PAOX: variants seen among roughly 807,000 people sequenced by gnomAD.
PAOX encodes the protein polyamine oxidase, also known as peroxisomal N(1)-acetyl-spermine/spermidine oxidase.
In PAOX, 38 loss-of-function variants were observed where a neutral mutation model predicts 39.0. The observed-to-expected ratio is 0.97, with a 90% confidence interval of 0.75 to 1.28. The LOEUF (loss-of-function observed/expected upper bound fraction) is 1.28, where lower values mean the gene tolerates loss of function less well. PAOX is among the 50% of genes most tolerant of loss of function. The pLI, the probability that PAOX is intolerant of heterozygous loss-of-function variation, is 0.00. For missense variants in PAOX, 667 were observed against 685.7 expected (o/e 0.97, Z 0.30); for synonymous variants, 311 against 314.4 (o/e 0.99, Z 0.11).
At chr10:133,385,559 C>A (rs1457124442) in intron 4 of PAOX, among the ~76,000 whole-genome samples, 1 of 152,152 alleles carries the variant, frequency 6.6e-6, no homozygotes, top group Non-Finnish European at 1.5e-5. Flanking sequence ...TGAGTCACAT[C>A]TGTAAATTTA....
In PAOX at chr10:133,380,247, TTC is replaced by T; in HGVS notation, c.431_432del (p.Phe144SerfsTer30). On this transcript the variant is annotated frameshift_variant, in exon 2 of 7. Transcript: ENST00000278060. LOFTEE classifies it high-confidence loss of function. ...CGGCCTGATAGACCAGACCCGGGAG[TTC>T]CTGCACGCTGCAGAGACCCCGGTGC... ...FYGLIDQTRE[F>X]LHAAETPVPS... 1 of 1,612,462 alleles carries T rather than the reference TTC, an allele frequency of 6.2e-7. No individual in the cohort carries two copies. Among genetic ancestry groups the T allele is most frequent in the East Asian group, 2.2e-5 (1 of 44,870 alleles).
intron 6 of PAOX, 30 bp downstream of exon 6, chr10:133,389,777 GGGTCCCGCTGCAGAGGCC>G: frequency 7.0e-7 from 1 of 1,437,546 alleles, no homozygotes; most frequent in Non-Finnish European, 9.1e-7. Context: ...CGGGGGGCGT[GGGTCCCGCTGCAGAGGCC>G]CCCGCCGAGT....
intron 4 of PAOX, among the ~76,000 whole-genome samples, chr10:133,385,740 C>A (rs186530072): frequency 0.013 from 2,026 of 152,116 alleles, 18 homozygotes; most frequent in Non-Finnish European, 0.023. Flanking sequence ...CCCACCACCA[C>A]GCCCGGCTAA....
intron 3 of PAOX, among the ~76,000 whole-genome samples, chr10:133,382,313 AT>A (rs66733067): frequency 0.051 from 7,673 of 151,600 alleles, 309 homozygotes; most frequent in African/African-American, 0.11. Context: ...AAAGCTAGCG[AT>A]TGCCAGCACT....
rs1849548515 is a variant in PAOX, at chr10:133,387,033, CTT to C, written c.1122-1921_1122-1920del. On this transcript the variant is annotated intron_variant, in intron 4 of 6. Coordinates refer to ENST00000278060, the MANE Select transcript of PAOX (RefSeq NM_152911.4). ...GTGGCTCATGCCGGTAATTCCAGCACTTTGGGAGGCCAAGGTGTGCAGATGGC... is the reference window on the plus strand; with the variant it reads ...GTGGCTCATGCCGGTAATTCCAGCACTGGGAGGCCAAGGTGTGCAGATGGC... Among the ~76,000 whole-genome samples, 3 of 152,312 alleles carry C rather than the reference CTT, an allele frequency of 2.0e-5. No homozygotes were observed. In the South Asian group the frequency reaches 6.2e-4, roughly 32 times the overall value.
rs562411156 is a variant in PAOX, at chr10:133,379,923, C to T, written c.182-76C>T. ...TCCTCCTTGGGAAGGCCAGCGTGGG[C>T]GTGGCCCAGGAGAAGGGCTCGGGGT... On this transcript the variant is annotated intron_variant, in intron 1 of 6. Transcript: ENST00000278060. The T allele has an allele frequency of 1.3e-5, 20 of 1,488,350 alleles. No individual in the cohort carries two copies. The South Asian group carries it at 2.7e-4, about 20-fold the overall frequency. 92.2% of individuals were successfully genotyped at this position (1,488,350 alleles called of 1,614,324 possible). A position where few individuals can be genotyped will look rare whatever the true frequency, so the allele number is the denominator to read the frequency against.
chr10:133,380,328 A>C lies in PAOX; in HGVS notation c.511A>C (p.Thr171Pro). Residue 171 changes from threonine (T) to proline (P), a missense_variant, in exon 2 of 7, where the codon ACA (threonine) becomes CCA (proline). Coordinates refer to ENST00000278060, the MANE Select transcript of PAOX (RefSeq NM_152911.4). ...KEIGQHVAGW[T>P]EDEETRKLKL... The stretch of plus-strand genomic sequence containing the variant: ...GATTGGCCAGCACGTGGCCGGCTGG[A>C]CAGAGGATGAGGAGACCAGGAAGCT... The C allele has an allele frequency of 1.2e-6, 2 of 1,612,882 alleles. No homozygotes were observed. The highest frequency in any genetic ancestry group is 2.2e-5 in the South Asian group (2 of 91,088).
Position 133,383,993 on chromosome 10 carries a change from A to G in PAOX, c.902A>G (p.Asp301Gly). Residue 301 changes from aspartate (D) to glycine (G), a missense_variant, in exon 4 of 7, where the codon GAC becomes GGC. Coordinates refer to ENST00000278060, the MANE Select transcript of PAOX (RefSeq NM_152911.4). ...AGGGAACATTTGGACACCTTCTTTG[A>G]CCCTCCCCTGCCGGCTGAGAAGGCA... ...FLREHLDTFF[D>G]PPLPAEKAEA... 1 of 1,614,094 alleles carries G rather than the reference A, an allele frequency of 6.2e-7. No individual in the cohort carries two copies. Among genetic ancestry groups the G allele is most frequent in the African/African-American group, 1.3e-5 (1 of 75,028 alleles).
intron 4 of PAOX, among the ~76,000 whole-genome samples, chr10:133,385,035 T>A (rs1399631987): frequency 6.6e-6 from 1 of 152,110 alleles, no homozygotes; most frequent in Non-Finnish European, 1.5e-5. Context: ...GTGGCTCATG[T>A]CTGTAATCCC....
intron 6 of PAOX, 117 bp downstream of exon 6, chr10:133,389,864 C>T: frequency 1.7e-6 from 2 of 1,156,484 alleles, no homozygotes; most frequent in South Asian, 4.3e-5. Flanking sequence ...GACTCGGAAG[C>T]CATTTTCTTT....
At position 133,379,468 on chromosome 10, in the gene PAOX, G is replaced by T. The variant is rs1589889046; in HGVS notation, c.152G>T (p.Gly51Val). The T allele has an allele frequency of 2.4e-6, 3 of 1,225,594 alleles. No individual in the cohort carries two copies. Among genetic ancestry groups the T allele is most frequent in the East Asian group, 6.4e-5 (2 of 31,158 alleles). The allele number at this position is 1,225,594 out of a possible 1,614,324, so 75.9% of individuals were successfully genotyped here. ...GTCCTGGAGGCCACGGCCCGCGCCG[G>T]GGGCCGCATCCGCTCGGAGCGCTGC... is the stretch of plus-strand genomic sequence containing the variant. ...LRVLEATARA[G>V]GRIRSERCFG... The change falls in exon 1 of 7, where the codon GGG becomes GTG. Residue 51 changes from glycine (G) to valine (V), a missense_variant. Physicochemically the swap from Gly to Val is moderately radical, Grantham distance 109. Transcript: ENST00000278060.
At chr10:133,390,413 CA>C (rs1849644689) in intron 6 of PAOX, among the ~76,000 whole-genome samples, 1 of 2,862 alleles carries the variant, frequency 3.5e-4, no homozygotes, top group Non-Finnish European at 9.3e-4. Context: ...TCGGTCTCCA[CA>C]CACACACACA....
At position 133,383,986 on chromosome 10, in the gene PAOX, T is replaced by G. The variant is rs1849465776; in HGVS notation, c.895T>G (p.Phe299Val). Residue 299 changes from phenylalanine (F) to valine (V), a missense_variant, in exon 4 of 7, where the codon TTC becomes GTC. Transcript: ENST00000278060. ...TTTTCTTAGGGAACATTTGGACACC[T>G]TCTTTGACCCTCCCCTGCCGGCTGA... is the stretch of plus-strand genomic sequence containing the variant. ...LGFLREHLDT[F>V]FDPPLPAEKA... 6.2e-7 allele frequency: 1 copy of G among 1,614,058 alleles called. No individual in the cohort carries two copies. The highest frequency in any genetic ancestry group is 8.5e-7 in the Non-Finnish European group (1 of 1,180,008).
At chr10:133,385,774 A>G (rs977561503) in intron 4 of PAOX, among the ~76,000 whole-genome samples, 11 of 151,982 alleles carry the variant, frequency 7.2e-5, no homozygotes, top group Admixed American at 2.6e-4. Flanking sequence ...TAGTAGAGAC[A>G]GGGTTTCACC....
In PAOX at chr10:133,384,263, A is replaced by G; in HGVS notation, c.1121+51A>G. Reference sequence around the variant, plus strand: ...GCGAGTGGCTGGCTCATAGGCCTTCATCTGATGGAGGACGCAGCAGTGTGT... The same window carrying G: ...GCGAGTGGCTGGCTCATAGGCCTTCGTCTGATGGAGGACGCAGCAGTGTGT... On this transcript the variant is annotated intron_variant, in intron 4 of 6. Coordinates refer to ENST00000278060, the MANE Select transcript of PAOX (RefSeq NM_152911.4). This position sits in a 1 kb window ranked among gnomAD's most constrained non-coding sequence, Gnocchi z 4.3. 1 of 1,596,686 alleles carries G rather than the reference A, an allele frequency of 6.3e-7. No individual in the cohort carries two copies. The highest frequency in any genetic ancestry group is 8.5e-7 in the Non-Finnish European group (1 of 1,170,056).
chr10:133,380,078 C>T lies in PAOX; in HGVS notation c.261C>T (p.Tyr87=), dbSNP rs1564809397. ...GNPVFQLAAE[Y]GLLGEKELSQ... ...CCGTCTTCCAGCTGGCTGCTGAGTA[C>T]GGGCTGCTGGGGGAGAAGGAGCTGT... is the stretch of plus-strand genomic sequence containing the variant. Residue 87 remains tyrosine (Y), a synonymous_variant, in exon 2 of 7, where the codon TAC becomes TAT. Transcript: ENST00000278060. 4 of 1,546,366 alleles carry T rather than the reference C, an allele frequency of 2.6e-6. No individual in the cohort carries two copies. Among genetic ancestry groups the T allele is most frequent in the South Asian group, 2.5e-5 (2 of 79,978 alleles).
chr10:133,391,396 G>A lies in PAOX; in HGVS notation c.1477G>A (p.Ala493Thr). 1 of 1,613,202 alleles carries A rather than the reference G, an allele frequency of 6.2e-7. No homozygotes were observed. The highest frequency in any genetic ancestry group is 1.3e-5 in the African/African-American group (1 of 75,048). ...HGALLSGWRE[A>T]DRLLSLWAPQ... Reference sequence around the variant, plus strand: ...GGCTCTGCTGTCGGGATGGAGGGAGGCCGACCGCCTCCTCAGTCTGTGGGC... The same window carrying A: ...GGCTCTGCTGTCGGGATGGAGGGAGACCGACCGCCTCCTCAGTCTGTGGGC... The change falls in exon 7 of 7, where the codon GCC (alanine) becomes ACC (threonine). Residue 493 changes from alanine to threonine, a missense_variant. Coordinates refer to ENST00000278060, the MANE Select transcript of PAOX (RefSeq NM_152911.4).
Position 133,384,239 on chromosome 10 carries a change from C to G in PAOX, c.1121+27C>G, listed in dbSNP as rs374647625. 1.2e-6 allele frequency: 2 copies of G among 1,607,100 alleles called. No individual in the cohort carries two copies. The highest frequency in any genetic ancestry group is 1.7e-6 in the Non-Finnish European group (2 of 1,176,162). On this transcript the variant is annotated intron_variant, in intron 4 of 6. Transcript: ENST00000278060. The surrounding 1 kb of genome is among the most constrained non-coding windows in gnomAD (Gnocchi z 4.3). The stretch of plus-strand genomic sequence containing the variant: ...TACGTTTGCTCCCTGAGAAGTTCTG[C>G]GAGTGGCTGGCTCATAGGCCTTCAT...
chr10:133,384,590 A>G lies in PAOX; in HGVS notation c.1121+378A>G, dbSNP rs1237703268. Among the ~76,000 whole-genome samples, 1 of 152,192 alleles carries G rather than the reference A, an allele frequency of 6.6e-6. No individual in the cohort carries two copies. Among genetic ancestry groups the G allele is most frequent in the East Asian group, 1.9e-4 (1 of 5,196 alleles). On this transcript the variant is annotated intron_variant, in intron 4 of 6. Transcript: ENST00000278060. This position sits in a 1 kb window ranked among gnomAD's most constrained non-coding sequence, Gnocchi z 4.3. ...GGAGACAATACTTAAATGGGATGAA[A>G]TAATTGAAGGAAACATTCCGAGAAG...
Sources: gnomAD v4.1 joint callset for allele counts (sites outside exome capture counted in the v4.1 genomes callset) on GRCh38, gnomAD v4.1.1 for gene constraint, Gnocchi (gnomAD v3.1) non-coding constraint, MANE v1.5 for transcripts, NCBI Gene and HGNC (gene_info 2026-07-23, HGNC 2026-07-21) for gene names.